Variants in ZNF407 observed in about 807,000 individuals in gnomAD.
ZNF407 encodes zinc finger protein 407.
A neutral mutation model predicts 131.2 loss-of-function variants in ZNF407; 17 were observed. The ratio of observed to expected loss-of-function variants is 0.13; its 90% CI spans 0.09 to 0.19. The LOEUF (loss-of-function observed/expected upper bound fraction) is 0.19. Ranked by LOEUF, ZNF407 falls within the 10% of genes least tolerant of loss-of-function variation. The pLI, the probability that ZNF407 is intolerant of heterozygous loss-of-function variation, is 1.00. For synonymous variants in ZNF407, 1,156 were observed against 1,062.0 expected, an observed-to-expected ratio of 1.09 and a Z score of -1.72; for missense variants, 2,681 against 2,830.6, an observed-to-expected ratio of 0.95 and a Z score of 1.20.
intron 8 of ZNF407, among the ~76,000 whole-genome samples, chr18:75,049,098 T>TGGTGGG (rs1973468231): frequency 5.0e-5 from 2 of 39,628 alleles, no homozygotes; most frequent in Non-Finnish European, 9.5e-5. Context: ...TTTTTTTTTT[T>TGGTGGG]GGGTGGGGGG....
chr18:74,890,546 G>T (rs1165675951), intron 7 of ZNF407, among the ~76,000 whole-genome samples: 6 of 152,020 alleles, frequency 3.9e-5, no homozygotes, highest in Non-Finnish European at 8.8e-5. Context: ...TCTTACAACT[G>T]CTTTTCCAGT....
At chr18:74,744,093 C>T (rs748504472) in intron 3 of ZNF407, among the ~76,000 whole-genome samples, 3 of 152,128 alleles carry the variant, frequency 2.0e-5, no homozygotes, top group Non-Finnish European at 2.9e-5. Flanking sequence ...GTTTGAACTT[C>T]GGCCTCAAAC....
chr18:75,010,074 G>T lies in ZNF407; in HGVS notation c.5429-53076G>T, dbSNP rs1972956061. Among the ~76,000 whole-genome samples the T allele has an allele frequency of 3.9e-5, 6 of 152,174 alleles. No homozygotes were observed. The South Asian group carries it at 1.2e-3, about 32-fold the overall frequency. ...AAGAAAACATTATGCACATTTTGTTGTTTTGCTTAAGGCCTTCATGCCAGC... is the reference window on the plus strand; with the variant it reads ...AAGAAAACATTATGCACATTTTGTTTTTTTGCTTAAGGCCTTCATGCCAGC... On this transcript the variant is annotated intron_variant, in intron 8 of 8. Transcript: ENST00000299687.
At chr18:74,817,787 A>G (rs1484078997) in intron 4 of ZNF407, among the ~76,000 whole-genome samples, 2 of 152,174 alleles carry the variant, frequency 1.3e-5, no homozygotes, top group Admixed American at 1.3e-4. Flanking sequence ...GCTACTTCCA[A>G]AGTATTAAAT....
intron 6 of ZNF407, among the ~76,000 whole-genome samples, chr18:74,887,822 T>C (rs1208880012): frequency 2.0e-5 from 3 of 152,144 alleles, no homozygotes; most frequent in Non-Finnish European, 4.4e-5. Flanking sequence ...GTCTAACAGG[T>C]AGCAAGTGAA....
chr18:74,756,769 T>G (rs1461814280), intron 3 of ZNF407, among the ~76,000 whole-genome samples: 1 of 152,140 alleles, frequency 6.6e-6, no homozygotes, highest in Non-Finnish European at 1.5e-5. Context: ...TTCATTCAGT[T>G]GCTTTACTTG....
chr18:75,004,364 A>C (rs1037537259), intron 8 of ZNF407, among the ~76,000 whole-genome samples: 2 of 152,150 alleles, frequency 1.3e-5, no homozygotes, highest in African/African-American at 4.8e-5. Flanking sequence ...CATTGCTATA[A>C]ATTGTCGCAA....
At chr18:75,049,149 G>T (rs984177562) in intron 8 of ZNF407, among the ~76,000 whole-genome samples, 2 of 151,990 alleles carry the variant, frequency 1.3e-5, no homozygotes, top group Non-Finnish European at 2.9e-5. Context: ...CTGTCAGCTG[G>T]TGTGATATAT....
chr18:74,813,175 C>T lies in ZNF407; in HGVS notation c.4877+31673C>T, dbSNP rs530426861. Among the ~76,000 whole-genome samples, 11 of 152,250 alleles carry T rather than the reference C, an allele frequency of 7.2e-5. No individual in the cohort carries two copies. In the South Asian group the frequency reaches 1.5e-3, roughly 20 times the overall value. ...GCCTTGTCCACAGCAGATTGTGCTG[C>T]GCTGGCTTGCAGTTTTAGTAAGACT... On this transcript the variant is annotated intron_variant, in intron 4 of 8. Coordinates refer to ENST00000299687, the MANE Select transcript of ZNF407 (RefSeq NM_017757.3).
At chr18:74,624,867 G>A (rs767564551) in intron 1 of ZNF407, among the ~76,000 whole-genome samples, 4 of 152,210 alleles carry the variant, frequency 2.6e-5, no homozygotes, top group African/African-American at 4.8e-5. Flanking sequence ...ATTTCCTCAA[G>A]GTTAGGCTCA....
chr18:74,619,439 T>A (rs1983432360), intron 1 of ZNF407, among the ~76,000 whole-genome samples: 1 of 152,260 alleles, frequency 6.6e-6, no homozygotes, highest in South Asian at 2.1e-4. Context: ...TTCTCTTTGC[T>A]TTCCTTGACA....
chr18:75,034,487 G>A (rs1264810229), intron 8 of ZNF407, among the ~76,000 whole-genome samples: 1 of 151,228 alleles, frequency 6.6e-6, no homozygotes, highest in Non-Finnish European at 1.5e-5. Flanking sequence ...TATTTTTAGT[G>A]GAGACGGGGT....
At chr18:74,672,817 A>G (rs866039272) in intron 3 of ZNF407, among the ~76,000 whole-genome samples, 3 of 152,230 alleles carry the variant, frequency 2.0e-5, no homozygotes, top group Non-Finnish European at 4.4e-5. Flanking sequence ...TAATGAACCT[A>G]TAATACCTGC....
chr18:74,878,378 A>T (rs893923872), intron 5 of ZNF407, among the ~76,000 whole-genome samples: 11 of 152,206 alleles, frequency 7.2e-5, no homozygotes, highest in Admixed American at 6.5e-4. Context: ...ATAGGTTAAA[A>T]GTTCTTCTCA....
chr18:74,979,291 G>T (rs1448378614), intron 8 of ZNF407, among the ~76,000 whole-genome samples: 4 of 152,096 alleles, frequency 2.6e-5, no homozygotes, highest in Non-Finnish European at 5.9e-5. Context: ...TACAAACTAG[G>T]TATCTGGAAC....
chr18:75,054,451 A>G (rs537940129), intron 8 of ZNF407, among the ~76,000 whole-genome samples: 6 of 152,350 alleles, frequency 3.9e-5, no homozygotes, highest in South Asian at 2.1e-4. Context: ...CATGACTACA[A>G]AAGTGAATGT....
intron 3 of ZNF407, among the ~76,000 whole-genome samples, chr18:74,716,958 G>A (rs1025455033): frequency 6.6e-6 from 1 of 152,100 alleles, no homozygotes; most frequent in Admixed American, 6.5e-5. Context: ...AACTGTAATC[G>A]CAAATATGTG....
At chr18:75,051,130 G>A (rs1158193125) in intron 8 of ZNF407, among the ~76,000 whole-genome samples, 1 of 152,150 alleles carries the variant, frequency 6.6e-6, no homozygotes, top group Non-Finnish European at 1.5e-5. Flanking sequence ...TAGGCTGGAA[G>A]TATGTACGAC....
At chr18:74,714,390 A>G (rs1215122338) in intron 3 of ZNF407, among the ~76,000 whole-genome samples, 1 of 152,234 alleles carries the variant, frequency 6.6e-6, no homozygotes, top group Non-Finnish European at 1.5e-5. Context: ...ACAGCATAAA[A>G]TATGCTTGTG....
Sources: gnomAD v4.1 joint callset for allele counts (sites outside exome capture counted in the v4.1 genomes callset) on GRCh38, gnomAD v4.1.1 for gene constraint, MANE v1.5 for transcripts, NCBI Gene and HGNC (gene_info 2026-07-23, HGNC 2026-07-21) for gene names.